KAZN: variants seen among roughly 807,000 people sequenced by gnomAD.
KAZN encodes kazrin, periplakin interacting protein.
Under a neutral mutation model 87.4 loss-of-function variants are expected in KAZN, and 40 were observed. The ratio of observed to expected loss-of-function variants is 0.46; its 90% CI spans 0.36 to 0.60. KAZN has a LOEUF of 0.60. Ranked by LOEUF, KAZN falls within the 20% of genes least tolerant of loss-of-function variation. KAZN has a pLI of 0.00. For synonymous variants in KAZN, 466 were observed against 458.3 expected (o/e 1.02, Z -0.22); for missense variants, 898 against 1,073.9 (o/e 0.84, Z 2.29).
At chr1:14,178,656 T>C (rs1646134131) in intron 1 of KAZN, among the ~76,000 whole-genome samples, 1 of 152,200 alleles carries the variant, frequency 6.6e-6, no homozygotes, top group Non-Finnish European at 1.5e-5. Context: ...TCACTTCTGT[T>C]ATTTCTGGGT....
chr1:14,793,160 G>A (rs1645730264), intron 1 of KAZN, among the ~76,000 whole-genome samples: 1 of 152,108 alleles, frequency 6.6e-6, no homozygotes, highest in African/African-American at 2.4e-5. Flanking sequence ...GGCAAGGATG[G>A]AGGCAGAGAC....
Position 15,101,385 on chromosome 1 carries a change from C to T in KAZN, c.1548-158C>T, listed in dbSNP as rs542566572. On this transcript the variant is annotated intron_variant, in intron 10 of 14. Transcript: ENST00000376030. ...TTTCCCTTTTTTCCTCTTGATCTCT[C>T]GGCTCCATCCCTGTCCATGTCTGTC... is the stretch of plus-strand genomic sequence containing the variant. 4.6e-5 allele frequency among the ~76,000 whole-genome samples: 7 copies of T among 151,990 alleles called. No individual in the cohort carries two copies. The South Asian group carries it at 6.3e-4, about 14-fold the overall frequency.
At chr1:14,537,987 G>A (rs1672600383) in intron 2 of KAZN, among the ~76,000 whole-genome samples, 1 of 152,180 alleles carries the variant, frequency 6.6e-6, no homozygotes, top group Non-Finnish European at 1.5e-5. Context: ...CCAAGGGCAG[G>A]CATCTTTGGG....
intron 2 of KAZN, among the ~76,000 whole-genome samples, chr1:14,547,441 T>C (rs1673225383): frequency 1.3e-5 from 2 of 152,230 alleles, no homozygotes; most frequent in African/African-American, 4.8e-5. Flanking sequence ...TCTGAGTTTC[T>C]CCACCTATTC....
chr1:14,415,871 G>A (rs1163375271), intron 2 of KAZN, among the ~76,000 whole-genome samples: 1 of 152,096 alleles, frequency 6.6e-6, no homozygotes, highest in Non-Finnish European at 1.5e-5. Context: ...GTACTTGAAA[G>A]CAGAAGGCGT....
At chr1:15,051,948 G>T (rs1299753251) in intron 4 of KAZN, among the ~76,000 whole-genome samples, 2 of 152,224 alleles carry the variant, frequency 1.3e-5, no homozygotes, top group African/African-American at 2.4e-5. Flanking sequence ...ATGCATTTGT[G>T]TCAAGTTAAC....
chr1:14,047,404 G>C (rs1049109653), intron 1 of KAZN, among the ~76,000 whole-genome samples: 1 of 152,162 alleles, frequency 6.6e-6, no homozygotes, highest in African/African-American at 2.4e-5. Flanking sequence ...ACACCCAGGA[G>C]CCCATGGAAC....
In KAZN at chr1:15,056,274, C is replaced by A; in HGVS notation, c.910C>A (p.Arg304=). 6.2e-7 allele frequency: 1 copy of A among 1,603,476 alleles called. No homozygotes were observed. Among genetic ancestry groups the A allele is most frequent in the East Asian group, 2.2e-5 (1 of 44,522 alleles). The change falls in exon 5 of 15, where the codon CGG becomes AGG. Residue 304 remains arginine, a synonymous_variant. Transcript: ENST00000376030. The surrounding 1 kb of genome is among the most constrained non-coding windows in gnomAD (Gnocchi z 5.4). ...YHSHPPHPAD[R]QAVRVSPCHS... ...CTCACACCCCCCTCACCCTGCGGAC[C>A]GGCAAGGTGAGTCCTGCCCTGGCCT...
At chr1:14,206,556 T>A (rs576118704) in intron 2 of KAZN, among the ~76,000 whole-genome samples, 2 of 152,272 alleles carry the variant, frequency 1.3e-5, no homozygotes, top group East Asian at 3.9e-4. Context: ...ATCCTCTTAA[T>A]CTTACCAAGA....
At chr1:14,038,697 C>A (rs1165828274) in intron 1 of KAZN, among the ~76,000 whole-genome samples, 3 of 152,270 alleles carry the variant, frequency 2.0e-5, no homozygotes, top group Non-Finnish European at 4.4e-5. Context: ...ACACAGGAAA[C>A]CTTGCCTTAG....
At chr1:13,919,540 TAC>T (rs1639986087) in intron 1 of KAZN, among the ~76,000 whole-genome samples, 1 of 152,226 alleles carries the variant, frequency 6.6e-6, no homozygotes, top group South Asian at 2.1e-4. Context: ...GGTGTACATG[TAC>T]ACATATTCCT....
At chr1:14,416,713 G>A (rs1277594984) in intron 2 of KAZN, among the ~76,000 whole-genome samples, 2 of 151,802 alleles carry the variant, frequency 1.3e-5, no homozygotes, top group African/African-American at 4.8e-5. Flanking sequence ...CTCCAGCCTG[G>A]GTGACAGAAC....
intron 1 of KAZN, among the ~76,000 whole-genome samples, chr1:14,644,795 A>G (rs182467829): frequency 9.8e-5 from 15 of 152,330 alleles, no homozygotes; most frequent in African/African-American, 2.9e-4. Context: ...TGCTGTGCAG[A>G]AGCTCTTTAA....
At chr1:14,131,013 C>T (rs1204392477) in intron 1 of KAZN, among the ~76,000 whole-genome samples, 1 of 152,174 alleles carries the variant, frequency 6.6e-6, no homozygotes, top group Non-Finnish European at 1.5e-5. Flanking sequence ...GTTTTGCAGG[C>T]TGTACAGGTT....
At position 14,599,196 on chromosome 1, in the gene KAZN, A is replaced by G. The variant is rs932164010; in HGVS notation, c.199A>G (p.Met67Val). The stretch of plus-strand genomic sequence containing the variant: ...GGCGGGGGACTCGGCGGCGACGAAC[A>G]TGGAGAACCCCCAGCTTGGAGCGCA... The part of the protein sequence containing the change: ...SAAGDSAATN[M>V]ENPQLGAQVL... The change falls in exon 1 of 15, where the codon ATG (methionine) becomes GTG (valine). Residue 67 changes from methionine (M) to valine (V), a missense_variant. Around this residue, in one of 3 missense-constraint regions of KAZN, gnomAD observed 250 missense variants for 263.0 expected, o/e 0.95. Coordinates refer to ENST00000376030, the MANE Select transcript of KAZN (RefSeq NM_201628.3). The surrounding 1 kb of genome is among the most constrained non-coding windows in gnomAD (Gnocchi z 4.4). The G allele has an allele frequency of 1.5e-5, 21 of 1,400,788 alleles. No homozygotes were observed. Among genetic ancestry groups the G allele is most frequent in the Non-Finnish European group, 1.9e-5 (20 of 1,079,424 alleles). The allele number at this position is 1,400,788 out of a possible 1,614,324, so 86.8% of individuals were successfully genotyped here.
chr1:14,622,327 A>C (rs567939311), intron 1 of KAZN, among the ~76,000 whole-genome samples: 1 of 152,356 alleles, frequency 6.6e-6, no homozygotes, highest in South Asian at 2.1e-4. Flanking sequence ...TTTGGAAAAA[A>C]TACAACAGAC....
chr1:14,275,352 A>G (rs1344743964), intron 2 of KAZN, among the ~76,000 whole-genome samples: 1 of 152,122 alleles, frequency 6.6e-6, no homozygotes, highest in Non-Finnish European at 1.5e-5. Context: ...ATTGAGTTAG[A>G]AACTCTGAGG....
At chr1:14,754,989 C>T (rs1452795128) in intron 1 of KAZN, among the ~76,000 whole-genome samples, 3 of 151,746 alleles carry the variant, frequency 2.0e-5, no homozygotes, top group Non-Finnish European at 2.9e-5. Context: ...CATCTATAAT[C>T]CCAGCACTGT....
At chr1:14,927,128 C>G (rs1659254863) in intron 1 of KAZN, among the ~76,000 whole-genome samples, 1 of 152,350 alleles carries the variant, frequency 6.6e-6, no homozygotes, top group South Asian at 2.1e-4. Context: ...TGTTCCACAA[C>G]TCACTTTCCC....
Sources: allele counts gnomAD v4.1 joint callset (sites outside exome capture counted in the v4.1 genomes callset), GRCh38; gene constraint gnomAD v4.1.1; regional missense constraint gnomAD v4.1.1; non-coding constraint Gnocchi (gnomAD v3.1); transcripts MANE v1.5; gene names NCBI Gene and HGNC (gene_info 2026-07-23, HGNC 2026-07-21).